The following HNRNPC variants were observed in gnomAD, a reference collection of about 807,000 sequenced individuals.
HNRNPC encodes heterogeneous nuclear ribonucleoprotein C.
In HNRNPC, 3 loss-of-function variants were observed where a neutral mutation model predicts 33.2. The observed-to-expected ratio is 0.09, with a 90% confidence interval of 0.04 to 0.23. The LOEUF (loss-of-function observed/expected upper bound fraction) is 0.23, where lower values mean the gene tolerates loss of function less well. Ranked by LOEUF, HNRNPC falls within the 10% of genes least tolerant of loss-of-function variation. The pLI is 1.00. For missense variants in HNRNPC, 143 were observed against 366.7 expected (o/e 0.39, Z 4.98); for synonymous variants, 121 against 126.7 (o/e 0.96, Z 0.30).
intron 2 of HNRNPC, 86 bp from the exon 3 acceptor site, chr14:21,234,315 A>G: frequency 4.9e-6 from 6 of 1,220,838 alleles, no homozygotes; most frequent in South Asian, 1.5e-5. Context: ...ACTCTGAATC[A>G]CTGTTAACTG....
chr14:21,216,085 G>C lies in HNRNPC; in HGVS notation c.366-2968C>G, dbSNP rs368553060. ...CAGACAGCCATTGCACTCCAGCCTGGGCGACAGAGTAAAAACTTTTGTCTC... is the reference window on the plus strand; with the variant it reads ...CAGACAGCCATTGCACTCCAGCCTGCGCGACAGAGTAAAAACTTTTGTCTC... On this transcript the variant is annotated intron_variant, in intron 5 of 8. Transcript: ENST00000553300. Among the ~76,000 whole-genome samples, 12 of 146,412 alleles carry C rather than the reference G, an allele frequency of 8.2e-5. 1 individual carries two copies. In the East Asian group the frequency reaches 2.0e-3, roughly 24 times the overall value.
chr14:21,224,737 A>C (rs1231057189), intron 5 of HNRNPC, among the ~76,000 whole-genome samples: 1 of 152,122 alleles, frequency 6.6e-6, no homozygotes, highest in African/African-American at 2.4e-5. Flanking sequence ...CATTCTTTAC[A>C]ATTTACTTTA....
At chr14:21,242,000 T>C (rs1895403750) in intron 2 of HNRNPC, among the ~76,000 whole-genome samples, 1 of 152,186 alleles carries the variant, frequency 6.6e-6, no homozygotes, top group African/African-American at 2.4e-5. Context: ...TACTACTAGG[T>C]AGCCATCTTT....
intron 5 of HNRNPC, among the ~76,000 whole-genome samples, chr14:21,226,895 A>AAG (rs1491109668): frequency 1.0e-4 from 11 of 106,656 alleles, no homozygotes; most frequent in Non-Finnish European, 1.3e-4. Context: ...AAAAAAAAAA[A>AAG]GGGGGGGGGG....
chr14:21,221,011 C>A (rs981710479), intron 5 of HNRNPC, among the ~76,000 whole-genome samples: 1 of 152,050 alleles, frequency 6.6e-6, no homozygotes, highest in African/African-American at 2.4e-5. Flanking sequence ...CCCTTGAAAC[C>A]GGGAGGCAAA....
intron 2 of HNRNPC, among the ~76,000 whole-genome samples, chr14:21,235,032 A>G (rs1264268606): frequency 1.3e-5 from 2 of 152,220 alleles, no homozygotes; most frequent in Admixed American, 6.5e-5. Flanking sequence ...GGGGAATTAA[A>G]GAAAAATACA....
At position 21,212,929 on chromosome 14, in the gene HNRNPC, T is replaced by C. The variant is rs2139454220; in HGVS notation, c.523+31A>G. On this transcript the variant is annotated intron_variant, in intron 6 of 8. Coordinates refer to ENST00000553300, the MANE Select transcript of HNRNPC (RefSeq NM_004500.4). ...CTTCCCTATCTCAAAACACAAGAGATACCAAAATCACAAAATGAAATAATA... is the reference window on the plus strand; with the variant it reads ...CTTCCCTATCTCAAAACACAAGAGACACCAAAATCACAAAATGAAATAATA... 6 of 1,612,282 alleles carry C rather than the reference T, an allele frequency of 3.7e-6. No homozygotes were observed. In the East Asian group the frequency reaches 1.1e-4, roughly 30 times the overall value.
intron 2 of HNRNPC, among the ~76,000 whole-genome samples, chr14:21,253,306 C>T (rs1896867480): frequency 1.4e-5 from 2 of 147,322 alleles, no homozygotes; most frequent in South Asian, 4.4e-4. Flanking sequence ...GAAACCCCAT[C>T]TCTACTAAAA....
intron 2 of HNRNPC, 133 bp from the exon 3 acceptor site, chr14:21,234,362 T>C (rs1220103355): frequency 1.5e-6 from 1 of 684,644 alleles, no homozygotes; most frequent in Non-Finnish European, 2.4e-6. Flanking sequence ...ACTCACAGCA[T>C]TAAGTATGTA....
intron 6 of HNRNPC, 91 bp from the exon 7 acceptor site, chr14:21,212,014 A>C: frequency 4.1e-5 from 39 of 962,410 alleles, no homozygotes; most frequent in East Asian, 4.8e-5. Flanking sequence ...TCAGGAGCTC[A>C]CAGGAGATAC....
At chr14:21,215,204 C>A (rs983601615) in intron 5 of HNRNPC, among the ~76,000 whole-genome samples, 9 of 152,274 alleles carry the variant, frequency 5.9e-5, no homozygotes, top group Admixed American at 4.6e-4. Context: ...GAATGCTGCT[C>A]AGGCAGAAAT....
chr14:21,217,256 A>T (rs943100230), intron 5 of HNRNPC, among the ~76,000 whole-genome samples: 11 of 152,212 alleles, frequency 7.2e-5, no homozygotes, highest in Non-Finnish European at 1.5e-5. Flanking sequence ...AAATTTTTGT[A>T]GCTTGTGTTT....
rs571948188 is a variant in HNRNPC, at chr14:21,229,197, T to C, written c.365+1122A>G. Among the ~76,000 whole-genome samples, 71 of 151,772 alleles carry C rather than the reference T, an allele frequency of 4.7e-4. 1 individual carries two copies. Among genetic ancestry groups the C allele is most frequent in the African/African-American group, 1.7e-3 (70 of 41,382 alleles). ...TGAGGTCAGGAGATCGAGATCATCC[T>C]GGCTAACACGATGAAGCCCCGTCTC... On this transcript the variant is annotated intron_variant, in intron 5 of 8. Transcript: ENST00000553300.
intron 2 of HNRNPC, among the ~76,000 whole-genome samples, chr14:21,241,016 A>G (rs1895274356): frequency 6.6e-6 from 1 of 152,168 alleles, no homozygotes; most frequent in East Asian, 1.9e-4. Context: ...CACGCCTGTA[A>G]TCCCAGCACT....
intron 2 of HNRNPC, among the ~76,000 whole-genome samples, chr14:21,247,480 A>G (rs1173585263): frequency 6.6e-6 from 1 of 152,202 alleles, no homozygotes; most frequent in Non-Finnish European, 1.5e-5. Context: ...AAGCTGTCCT[A>G]CATTATTTTT....
intron 5 of HNRNPC, among the ~76,000 whole-genome samples, chr14:21,218,381 AT>A (rs754872848): frequency 6.6e-6 from 1 of 152,110 alleles, no homozygotes; most frequent in Non-Finnish European, 1.5e-5. Context: ...GTGCAATTTT[AT>A]TTTTTAAAAA....
intron 2 of HNRNPC, among the ~76,000 whole-genome samples, chr14:21,244,253 C>G (rs568522048): frequency 6.6e-6 from 1 of 152,216 alleles, no homozygotes; most frequent in African/African-American, 2.4e-5. Context: ...CCGACCTCCA[C>G]GTTCCAAAAG....
intron 4 of HNRNPC, 99 bp from the exon 5 acceptor site, chr14:21,230,465 A>G (rs1893985146): frequency 1.3e-6 from 1 of 781,092 alleles, no homozygotes; most frequent in Non-Finnish European, 2.2e-6. Context: ...CACAACAAAT[A>G]GATCAACAAG....
intron 6 of HNRNPC, chr14:21,212,147 T>C (rs1383583132): frequency 4.2e-6 from 2 of 475,318 alleles, no homozygotes; most frequent in Non-Finnish European, 7.6e-6. Context: ...TGTCGCTATG[T>C]TGACCAGGCC....
Sources: gnomAD v4.1 joint callset for allele counts (sites outside exome capture counted in the v4.1 genomes callset) on GRCh38, gnomAD v4.1.1 for gene constraint, MANE v1.5 for transcripts, NCBI Gene and HGNC (gene_info 2026-07-23, HGNC 2026-07-21) for gene names.